Variants in CTTNBP2 observed in about 807,000 individuals in gnomAD.
CTTNBP2 encodes the protein cortactin-binding protein 2.
CTTNBP2 carries 108 observed loss-of-function variants against 156.9 expected under a neutral mutation model. The ratio of observed to expected loss-of-function variants is 0.69; its 90% CI spans 0.59 to 0.81. The LOEUF (loss-of-function observed/expected upper bound fraction) is 0.81. CTTNBP2 is among the 30% of genes least tolerant of loss of function. CTTNBP2 has a pLI of 0.00. For missense variants in CTTNBP2, 1,924 were observed against 2,035.4 expected, an observed-to-expected ratio of 0.95 and a Z score of 1.05; for synonymous variants, 767 against 751.8, an observed-to-expected ratio of 1.02 and a Z score of -0.33.
chr7:117,846,441 TAAGAA>T (rs1321813959), intron 2 of CTTNBP2, among the ~76,000 whole-genome samples: 2 of 152,038 alleles, frequency 1.3e-5, no homozygotes, highest in African/African-American at 4.8e-5. Flanking sequence ...ATATTTCCAT[TAAGAA>T]AAGGAAGTAT....
chr7:117,775,457 C>T (rs982522309), intron 8 of CTTNBP2, among the ~76,000 whole-genome samples: 1 of 151,716 alleles, frequency 6.6e-6, no homozygotes, highest in African/African-American at 2.4e-5. Context: ...AGTTAAGGAG[C>T]TGAGCAGCAT....
intron 19 of CTTNBP2, among the ~76,000 whole-genome samples, chr7:117,722,210 T>C (rs1027006634): frequency 2.0e-5 from 3 of 151,942 alleles, no homozygotes; most frequent in African/African-American, 4.8e-5. Flanking sequence ...TTTATCAAAT[T>C]TGATAAGCTT....
intron 12 of CTTNBP2, among the ~76,000 whole-genome samples, chr7:117,754,675 T>C (rs1307899927): frequency 6.6e-6 from 1 of 152,250 alleles, no homozygotes. Context: ...AAATAAGTGA[T>C]ACATTTTTAT....
intron 2 of CTTNBP2, among the ~76,000 whole-genome samples, chr7:117,853,058 A>G (rs1009101342): frequency 2.0e-5 from 3 of 152,136 alleles, no homozygotes; most frequent in Non-Finnish European, 4.4e-5. Flanking sequence ...CCGGACATAT[A>G]ACGAAAACCT....
intron 6 of CTTNBP2, among the ~76,000 whole-genome samples, chr7:117,782,454 G>C (rs1798484857): frequency 6.6e-6 from 1 of 152,238 alleles, no homozygotes; most frequent in Non-Finnish European, 1.5e-5. Flanking sequence ...AGGAAATTTA[G>C]ATTATTACAA....
intron 11 of CTTNBP2, among the ~76,000 whole-genome samples, 172 bp downstream of exon 11, chr7:117,757,703 T>C (rs1045237118): frequency 2.6e-5 from 4 of 152,014 alleles, no homozygotes; most frequent in African/African-American, 9.7e-5. Flanking sequence ...AGCTTTTGAG[T>C]TTTCCTCCCC....
At chr7:117,713,120 C>G (rs1794151813) in intron 22 of CTTNBP2, among the ~76,000 whole-genome samples, 1 of 152,166 alleles carries the variant, frequency 6.6e-6, no homozygotes, top group Non-Finnish European at 1.5e-5. Context: ...GCCTAAAGAT[C>G]TGAGATGGAA....
chr7:117,771,737 T>C (rs1476956998), intron 8 of CTTNBP2, among the ~76,000 whole-genome samples: 1 of 152,142 alleles, frequency 6.6e-6, no homozygotes. Context: ...ACACGGTATA[T>C]ATAAAGATTA....
At chr7:117,794,642 C>T (rs1345813310) in intron 3 of CTTNBP2, among the ~76,000 whole-genome samples, 2 of 152,198 alleles carry the variant, frequency 1.3e-5, no homozygotes, top group Non-Finnish European at 2.9e-5. Flanking sequence ...TGCTATACAA[C>T]TAATGGTGAG....
chr7:117,751,937 T>C (rs964798783), intron 12 of CTTNBP2, among the ~76,000 whole-genome samples: 7 of 152,170 alleles, frequency 4.6e-5, no homozygotes, highest in African/African-American at 1.7e-4. Context: ...AGTCAAATGT[T>C]CCACTGGTAG....
At chr7:117,725,384 T>G in intron 17 of CTTNBP2, 127 bp from the exon 18 acceptor site, 1 of 809,426 alleles carries the variant, frequency 1.2e-6, no homozygotes, top group Admixed American at 2.4e-5. Context: ...TATGCTACCT[T>G]TCCCAGGTAG....
intron 16 of CTTNBP2, among the ~76,000 whole-genome samples, chr7:117,731,781 G>A (rs895241196): frequency 5.9e-5 from 9 of 152,218 alleles, no homozygotes; most frequent in Non-Finnish European, 1.3e-4. Flanking sequence ...TTGGGGACAG[G>A]ACATGTTGAG....
intron 9 of CTTNBP2, among the ~76,000 whole-genome samples, chr7:117,762,874 C>G (rs908725249): frequency 2.0e-5 from 3 of 152,214 alleles, no homozygotes; most frequent in African/African-American, 7.2e-5. Context: ...GTCATCCTGC[C>G]CTCCTTGCAG....
chr7:117,870,544 G>T (rs193144852), intron 1 of CTTNBP2, among the ~76,000 whole-genome samples: 1 of 152,224 alleles, frequency 6.6e-6, no homozygotes. Context: ...CCTACTTCTT[G>T]TCTATTAGCT....
intron 2 of CTTNBP2, among the ~76,000 whole-genome samples, chr7:117,829,793 T>C (rs190003540): frequency 9.2e-5 from 14 of 152,314 alleles, no homozygotes; most frequent in Admixed American, 8.5e-4. Context: ...CAAGAGGAGA[T>C]GTCAGAGTAT....
chr7:117,831,102 A>T (rs151119315), intron 2 of CTTNBP2, among the ~76,000 whole-genome samples: 1 of 152,362 alleles, frequency 6.6e-6, no homozygotes, highest in African/African-American at 2.4e-5. Flanking sequence ...AAACATAAAC[A>T]TGGCTATCTA....
intron 16 of CTTNBP2, among the ~76,000 whole-genome samples, chr7:117,731,869 G>A (rs1194444818): frequency 6.6e-6 from 1 of 152,146 alleles, no homozygotes; most frequent in Non-Finnish European, 1.5e-5. Context: ...ACAAAATAGA[G>A]GGGCACGCAG....
intron 2 of CTTNBP2, among the ~76,000 whole-genome samples, chr7:117,852,793 G>A (rs1213522979): frequency 6.6e-6 from 1 of 152,162 alleles, no homozygotes; most frequent in East Asian, 1.9e-4. Context: ...GATTACAGGT[G>A]TGTAGAAATG....
chr7:117,779,502 T>C (rs1269602098), intron 7 of CTTNBP2, among the ~76,000 whole-genome samples: 1 of 151,948 alleles, frequency 6.6e-6, no homozygotes, highest in African/African-American at 2.4e-5. Context: ...TATGCTGTAC[T>C]ACTTATTTTT....
Sources: gnomAD v4.1 joint callset for allele counts (sites outside exome capture counted in the v4.1 genomes callset) on GRCh38, gnomAD v4.1.1 for gene constraint, MANE v1.5 for transcripts, NCBI Gene and HGNC (gene_info 2026-07-23, HGNC 2026-07-21) for gene names.